The following CDC73 variants were observed in gnomAD, a reference collection of about 807,000 sequenced individuals.
The protein encoded by CDC73 is parafibromin.
A neutral mutation model predicts 83.7 loss-of-function variants in CDC73; 21 were observed. The observed-to-expected ratio is 0.25, with a 90% CI of 0.18 to 0.36. The LOEUF (loss-of-function observed/expected upper bound fraction) is 0.36, where lower values mean the gene tolerates loss of function less well. Ranked by LOEUF, CDC73 falls within the 10% of genes least tolerant of loss-of-function variation. The pLI, the probability that CDC73 is intolerant of heterozygous loss-of-function variation, is 1.00. For missense variants in CDC73, 342 were observed against 653.3 expected, an observed-to-expected ratio of 0.52 and a Z score of 5.19; for synonymous variants, 224 against 212.9, an observed-to-expected ratio of 1.05 and a Z score of -0.45.
intron 13 of CDC73, among the ~76,000 whole-genome samples, chr1:193,212,841 G>A (rs111764396): frequency 2.0e-5 from 3 of 152,172 alleles, no homozygotes; most frequent in African/African-American, 7.2e-5. Context: ...GTAAGTGGGC[G>A]GGTAGGTGGG....
rs147107201 is a variant in CDC73, at chr1:193,223,880, T to C, written c.1155-9113T>C. Among the ~76,000 whole-genome samples the C allele has an allele frequency of 1.6e-4, 25 of 151,634 alleles. No individual in the cohort carries two copies. In the East Asian group the frequency reaches 4.6e-3, roughly 28 times the overall value. On this transcript the variant is annotated intron_variant, in intron 13 of 16. Coordinates refer to ENST00000367435, the MANE Select transcript of CDC73 (RefSeq NM_024529.5). ...TTCTTTTTTCCTTTTTTTTTTTGTATTGATACGTAATAGACCCACATATTT... is the reference window on the plus strand; with the variant it reads ...TTCTTTTTTCCTTTTTTTTTTTGTACTGATACGTAATAGACCCACATATTT...
rs2103111286 is a variant in CDC73, at chr1:193,122,109, G to A, written c.-92G>A. On this transcript the variant is annotated 5_prime_UTR_variant, in exon 1 of 17. Coordinates refer to ENST00000367435, the MANE Select transcript of CDC73 (RefSeq NM_024529.5). ...TTGGTTCGTCGCGGCGGCGAAGGAG[G>A]AGGAGGAAGAGGGCGAGGCGACAAG... The A allele has an allele frequency of 7.8e-7, 1 of 1,283,624 alleles. No individual in the cohort carries two copies. The highest frequency in any genetic ancestry group is 1.1e-6 in the Non-Finnish European group (1 of 887,300). The allele number at this position is 1,283,624 out of a possible 1,614,324, so 79.5% of individuals were successfully genotyped here.
chr1:193,241,205 T>C (rs1462180594), intron 15 of CDC73, among the ~76,000 whole-genome samples: 2 of 152,220 alleles, frequency 1.3e-5, no homozygotes, highest in Admixed American at 1.3e-4. Flanking sequence ...CCTATGATTT[T>C]GATTGGGTGG....
intron 10 of CDC73, among the ~76,000 whole-genome samples, chr1:193,168,804 C>G (rs139963893): frequency 3.3e-5 from 5 of 152,298 alleles, no homozygotes; most frequent in African/African-American, 1.2e-4. Flanking sequence ...GGATTACACG[C>G]GTGAGCCACA....
chr1:193,231,151 A>G (rs1677656296), intron 13 of CDC73, among the ~76,000 whole-genome samples: 1 of 152,190 alleles, frequency 6.6e-6, no homozygotes, highest in African/African-American at 2.4e-5. Flanking sequence ...TTCTAGTCAT[A>G]TGATTATAAG....
chr1:193,183,938 C>T (rs920336399), intron 10 of CDC73, among the ~76,000 whole-genome samples: 6 of 151,558 alleles, frequency 4.0e-5, no homozygotes, highest in African/African-American at 1.5e-4. Context: ...AGTTAAAGGA[C>T]TGAGTAAATA....
intron 15 of CDC73, among the ~76,000 whole-genome samples, chr1:193,245,225 C>T (rs1677933274): frequency 6.6e-6 from 1 of 152,104 alleles, no homozygotes; most frequent in Admixed American, 6.6e-5. Context: ...GTGGAACACT[C>T]GAACTTATTT....
chr1:193,210,965 G>T (rs747622255), intron 11 of CDC73, among the ~76,000 whole-genome samples: 1 of 152,092 alleles, frequency 6.6e-6, no homozygotes, highest in African/African-American at 2.4e-5. Flanking sequence ...AAGCGTATTC[G>T]CACTTCGCAC....
intron 10 of CDC73, among the ~76,000 whole-genome samples, chr1:193,166,499 TAAA>T (rs1188525418): frequency 6.6e-6 from 1 of 152,210 alleles, no homozygotes; most frequent in Admixed American, 6.5e-5. Context: ...TAAAATGGTT[TAAA>T]TGTAATGATT....
intron 10 of CDC73, among the ~76,000 whole-genome samples, chr1:193,187,665 C>T (rs1318258285): frequency 1.3e-5 from 2 of 152,124 alleles, no homozygotes; most frequent in Non-Finnish European, 2.9e-5. Flanking sequence ...ACATATTCTT[C>T]ATCTCACTGC....
At chr1:193,199,089 T>A (rs1352010309) in intron 10 of CDC73, among the ~76,000 whole-genome samples, 1 of 152,226 alleles carries the variant, frequency 6.6e-6, no homozygotes, top group Non-Finnish European at 1.5e-5. Context: ...TGTTAATTGT[T>A]TTCTATGTTA....
chr1:193,144,794 C>T (rs979172329), intron 7 of CDC73, among the ~76,000 whole-genome samples: 21 of 148,036 alleles, frequency 1.4e-4, no homozygotes, highest in African/African-American at 4.4e-4. Context: ...AACTGTTATT[C>T]AGACTTGGTT....
At chr1:193,154,050 C>G (rs1004504082) in intron 10 of CDC73, among the ~76,000 whole-genome samples, 3 of 152,150 alleles carry the variant, frequency 2.0e-5, no homozygotes, top group Non-Finnish European at 4.4e-5. Context: ...TTCCTGACTT[C>G]AATATATAAT....
chr1:193,148,021 A>G, intron 8 of CDC73, 56 bp downstream of exon 8: 1 of 1,127,448 alleles, frequency 8.9e-7, no homozygotes, highest in South Asian at 1.2e-5. Context: ...CTTATATTGC[A>G]GTGTAGTAAC....
intron 1 of CDC73, among the ~76,000 whole-genome samples, chr1:193,123,093 G>A (rs972579634): frequency 6.6e-6 from 1 of 152,164 alleles, no homozygotes; most frequent in Admixed American, 6.5e-5. Context: ...CCTTTTTAAT[G>A]ATGTCACTGT....
At chr1:193,127,288 AATGTGTGTGTG>A (rs777647620) in intron 2 of CDC73, among the ~76,000 whole-genome samples, 4 of 68,144 alleles carry the variant, frequency 5.9e-5, no homozygotes, top group Non-Finnish European at 6.3e-5. Flanking sequence ...AAAAAAAAAA[AATGTGTGTGTG>A]TGTGTGTGTG....
chr1:193,227,787 G>A (rs1453337495), intron 13 of CDC73, among the ~76,000 whole-genome samples: 1 of 152,106 alleles, frequency 6.6e-6, no homozygotes, highest in Non-Finnish European at 1.5e-5. Flanking sequence ...ATGGACAACT[G>A]TATTATTATA....
intron 1 of CDC73, among the ~76,000 whole-genome samples, chr1:193,123,805 A>G (rs1185129496): frequency 1.3e-5 from 2 of 152,202 alleles, no homozygotes; most frequent in Non-Finnish European, 2.9e-5. Context: ...GAGATTAAAC[A>G]GATAAGTTGA....
At chr1:193,137,893 G>A (rs1675828148) in intron 5 of CDC73, among the ~76,000 whole-genome samples, 192 bp from the exon 6 acceptor site, 1 of 152,186 alleles carries the variant, frequency 6.6e-6, no homozygotes, top group Non-Finnish European at 1.5e-5. Flanking sequence ...GATGATTCCA[G>A]TCTTAAGATT....
Sources: allele counts gnomAD v4.1 joint callset (sites outside exome capture counted in the v4.1 genomes callset), GRCh38; gene constraint gnomAD v4.1.1; transcripts MANE v1.5; gene names NCBI Gene and HGNC (gene_info 2026-07-23, HGNC 2026-07-21).